UBAP1: variants seen among roughly 807,000 people sequenced by gnomAD.
The protein encoded by UBAP1 is ubiquitin associated protein 1.
In UBAP1, 5 loss-of-function variants were observed where a neutral mutation model predicts 39.0. That is an observed-to-expected ratio of 0.13 (90% CI 0.07 to 0.27). The LOEUF is 0.27. UBAP1 is among the 10% of genes least tolerant of loss of function. The pLI is 1.00. For synonymous variants in UBAP1, 211 were observed against 225.1 expected, an observed-to-expected ratio of 0.94 and a Z score of 0.56; for missense variants, 490 against 608.1, an observed-to-expected ratio of 0.81 and a Z score of 2.04.
chr9:34,234,117 G>A, intron 2 of UBAP1, 99 bp from the exon 3 acceptor site: 3 of 1,277,658 alleles, frequency 2.3e-6, no homozygotes, highest in Non-Finnish European at 3.2e-6. Flanking sequence ...TCTAGACTTA[G>A]GATAGCAAAA....
intron 1 of UBAP1, among the ~76,000 whole-genome samples, chr9:34,209,347 T>G (rs570620354): frequency 6.6e-6 from 1 of 152,330 alleles, no homozygotes; most frequent in African/African-American, 2.4e-5. Flanking sequence ...AAGTGTGTCC[T>G]GCTTTCAAGA....
At chr9:34,204,282 C>CT (rs1186104835) in intron 1 of UBAP1, among the ~76,000 whole-genome samples, 3 of 152,204 alleles carry the variant, frequency 2.0e-5, no homozygotes, top group African/African-American at 7.2e-5. Context: ...GAGCAAGACT[C>CT]TGTCTCAAGA....
At chr9:34,189,498 G>C (rs1482478481) in intron 1 of UBAP1, among the ~76,000 whole-genome samples, 3 of 151,120 alleles carry the variant, frequency 2.0e-5, no homozygotes, top group Non-Finnish European at 4.4e-5. Flanking sequence ...CGATCATTAT[G>C]TCTTATAGGA....
At chr9:34,190,625 C>G in intron 1 of UBAP1, among the ~76,000 whole-genome samples, 1 of 146,216 alleles carries the variant, frequency 6.8e-6, no homozygotes, top group African/African-American at 2.5e-5. Context: ...TTTTTCCTTT[C>G]TTTCTTTCTT....
At chr9:34,201,996 A>C (rs578250915) in intron 1 of UBAP1, among the ~76,000 whole-genome samples, 13 of 152,294 alleles carry the variant, frequency 8.5e-5, no homozygotes, top group African/African-American at 3.1e-4. Flanking sequence ...TTGTCTGGCA[A>C]GGTAGGGGGG....
At chr9:34,216,002 T>A (rs1275816446) in intron 1 of UBAP1, among the ~76,000 whole-genome samples, 2 of 152,044 alleles carry the variant, frequency 1.3e-5, no homozygotes, top group Non-Finnish European at 2.9e-5. Context: ...ATTTAAAAAA[T>A]TTTACATTAT....
At position 34,250,665 on chromosome 9, in the gene UBAP1, A is replaced by G. The variant is rs1563925532; in HGVS notation, c.1274A>G (p.Asp425Gly). ...KKGENIEQILDYLFAHGQLCE... is the reference protein window; with the variant it reads ...KKGENIEQILGYLFAHGQLCE... Reference sequence around the variant, plus strand: ...CCTTGTTTCTTTTCTTAGATTCTCGACTATCTCTTTGCACATGGACAGCTT... The same window carrying G: ...CCTTGTTTCTTTTCTTAGATTCTCGGCTATCTCTTTGCACATGGACAGCTT... Residue 425 changes from aspartate to glycine, a missense_variant, in exon 6 of 7, where the codon GAC (aspartate) becomes GGC (glycine). Around this residue, in one of 3 missense-constraint regions of UBAP1, gnomAD observed 339 missense variants for 390.0 expected, o/e 0.87. Coordinates refer to ENST00000297661, the MANE Select transcript of UBAP1 (RefSeq NM_016525.5). 6.2e-7 allele frequency: 1 copy of G among 1,612,820 alleles called. No homozygotes were observed. The highest frequency in any genetic ancestry group is 1.3e-5 in the African/African-American group (1 of 74,960).
intron 4 of UBAP1, among the ~76,000 whole-genome samples, chr9:34,246,986 C>T (rs1164730937): frequency 6.6e-6 from 1 of 152,158 alleles, no homozygotes; most frequent in African/African-American, 2.4e-5. Context: ...ACCTTTGCCC[C>T]TGCAGGAAGT....
At chr9:34,242,159 A>T (rs1833993895) in intron 4 of UBAP1, 51 bp downstream of exon 4, 1 of 1,506,600 alleles carries the variant, frequency 6.6e-7, no homozygotes, top group Non-Finnish European at 8.9e-7. Context: ...GATGACAGGG[A>T]TTATGTTTTT....
intron 2 of UBAP1, among the ~76,000 whole-genome samples, chr9:34,231,176 TTGGGGTC>T (rs1833396859): frequency 1.5e-5 from 2 of 135,156 alleles, no homozygotes; most frequent in Non-Finnish European, 3.2e-5. Flanking sequence ...TGTGTGTGTG[TTGGGGTC>T]GGGGTTAGAT....
rs910855332 is a variant in UBAP1 at position 34,183,353 on chromosome 9, C to T, written c.-8+4113C>T. 5.9e-5 allele frequency among the ~76,000 whole-genome samples: 9 copies of T among 151,582 alleles called. No homozygotes were observed. The South Asian group carries it at 1.5e-3, about 25-fold the overall frequency. ...GGTCAGGAGATTGAGACCATCCTGG[C>T]TAACACGGTGAAATCCCGTCTGTAC... On this transcript the variant is annotated intron_variant, in intron 1 of 6. Coordinates refer to ENST00000297661, the MANE Select transcript of UBAP1 (RefSeq NM_016525.5).
At chr9:34,223,956 A>AT (rs1446559962) in intron 2 of UBAP1, 2 of 354,458 alleles carry the variant, frequency 5.6e-6, no homozygotes, top group Non-Finnish European at 1.1e-5. Flanking sequence ...AAACACCTTC[A>AT]TTACATGGGT....
At position 34,215,752 on chromosome 9, in the gene UBAP1, TACAC is replaced by T. The variant is rs146016170; in HGVS notation, c.-7-5142_-7-5139del. On this transcript the variant is annotated intron_variant, in intron 1 of 6. Coordinates refer to ENST00000297661, the MANE Select transcript of UBAP1 (RefSeq NM_016525.5). ...TGAAACGTGTGTACATATATATATG[TACAC>T]ACACACACACACATACATGTATGTA... Among the ~76,000 whole-genome samples the T allele has an allele frequency of 3.8e-3, 573 of 150,312 alleles. 6 individuals are homozygous for T. The highest frequency in any genetic ancestry group is 0.013 in the African/African-American group (521 of 41,016).
chr9:34,222,631 C>A (rs887413259), intron 2 of UBAP1, among the ~76,000 whole-genome samples: 2 of 151,806 alleles, frequency 1.3e-5, no homozygotes, highest in African/African-American at 4.8e-5. Flanking sequence ...GCTGTCTCTA[C>A]AAAAAAATTT....
intron 1 of UBAP1, among the ~76,000 whole-genome samples, chr9:34,185,380 C>T (rs1002289263): frequency 1.3e-5 from 2 of 152,144 alleles, no homozygotes; most frequent in South Asian, 4.1e-4. Flanking sequence ...AGACCTGTCT[C>T]TACAGAAGTC....
chr9:34,237,955 C>T (rs572046732), intron 3 of UBAP1, among the ~76,000 whole-genome samples: 361 of 152,236 alleles, frequency 2.4e-3, no homozygotes, highest in South Asian at 5.0e-3. Context: ...ATCTAATTCC[C>T]GAACATTTTC....
At chr9:34,250,070 GGGTTTGTGA>G in intron 5 of UBAP1, 109 bp downstream of exon 5, 2 of 1,181,866 alleles carry the variant, frequency 1.7e-6, no homozygotes, top group Non-Finnish European at 2.4e-6. Flanking sequence ...CCTTTCCTGT[GGGTTTGTGA>G]GGACACGGGG....
chr9:34,221,652 AG>A (rs750508847), intron 2 of UBAP1, among the ~76,000 whole-genome samples: 37 of 152,000 alleles, frequency 2.4e-4, no homozygotes, highest in Non-Finnish European at 3.7e-4. Context: ...GTTTTAGTTT[AG>A]TTCCCTGTGC....
intron 1 of UBAP1, among the ~76,000 whole-genome samples, chr9:34,185,811 A>G (rs938576886): frequency 6.6e-6 from 1 of 152,192 alleles, no homozygotes; most frequent in Non-Finnish European, 1.5e-5. Flanking sequence ...ATGCCACTGC[A>G]CTCCAGCCTG....
Sources: allele counts gnomAD v4.1 joint callset (sites outside exome capture counted in the v4.1 genomes callset), GRCh38; gene constraint gnomAD v4.1.1; regional missense constraint gnomAD v4.1.1; transcripts MANE v1.5; gene names NCBI Gene and HGNC (gene_info 2026-07-23, HGNC 2026-07-21).